ABCC8: variants seen among roughly 807,000 people sequenced by gnomAD.
The protein encoded by ABCC8 is ATP binding cassette subfamily C member 8.
Under a neutral mutation model 188.0 loss-of-function variants are expected in ABCC8, and 137 were observed. The ratio of observed to expected loss-of-function variants is 0.73; its 90% CI spans 0.63 to 0.84. The LOEUF is 0.84. Ranked by LOEUF, ABCC8 falls within the 40% of genes least tolerant of loss-of-function variation. The probability of loss-of-function intolerance (pLI) is 0.00; values close to 1 mark genes in which losing one functional copy is unlikely to be tolerated. For synonymous variants in ABCC8, 797 were observed against 846.5 expected (o/e 0.94, Z 1.01); for missense variants, 1,750 against 2,072.7 (o/e 0.84, Z 3.02).
At chr11:17,426,724 C>T (rs1955597893) in intron 16 of ABCC8, among the ~76,000 whole-genome samples, 1 of 152,146 alleles carries the variant, frequency 6.6e-6, no homozygotes, top group Non-Finnish European at 1.5e-5. Flanking sequence ...AGTTTCAATT[C>T]CAGCTCTGCC....
chr11:17,471,784 C>T (rs1486245268), intron 2 of ABCC8, among the ~76,000 whole-genome samples: 2 of 152,216 alleles, frequency 1.3e-5, no homozygotes, highest in Non-Finnish European at 2.9e-5. Flanking sequence ...TGGGAAGAGG[C>T]TGGGTCCCTG....
At chr11:17,438,975 G>A (rs1414698583) in intron 10 of ABCC8, among the ~76,000 whole-genome samples, 6 of 152,292 alleles carry the variant, frequency 3.9e-5, no homozygotes, top group Middle Eastern at 3.4e-3. Context: ...CTGGCCACAC[G>A]GTTCTGCTCT....
chr11:17,459,295 T>C (rs1359034843), intron 6 of ABCC8, among the ~76,000 whole-genome samples: 1 of 152,236 alleles, frequency 6.6e-6, no homozygotes, highest in East Asian at 1.9e-4. Context: ...GTATGTATTA[T>C]GTGGTCAGTA....
chr11:17,405,902 C>T (rs964579380), intron 26 of ABCC8, among the ~76,000 whole-genome samples: 1 of 152,214 alleles, frequency 6.6e-6, no homozygotes, highest in Non-Finnish European at 1.5e-5. Context: ...CTGGGGACAG[C>T]CTGCCGGCTG....
At chr11:17,442,575 G>C (rs955571201) in intron 10 of ABCC8, 145 bp downstream of exon 10, 34 of 805,066 alleles carry the variant, frequency 4.2e-5, no homozygotes, top group Non-Finnish European at 6.7e-5. Flanking sequence ...TTAGCTATCA[G>C]AGCCAGTTTG....
rs1953793278 is a variant in ABCC8, at chr11:17,394,355, T to C, written c.4456A>G (p.Arg1486Gly). Residue 1486 changes from arginine (R) to glycine (G), a missense_variant, in exon 37 of 39, where the codon AGG becomes GGG. By Grantham distance (125) the Arg-to-Gly change is moderately radical (BLOSUM62 -2). Coordinates refer to ENST00000389817, the MANE Select transcript of ABCC8 (RefSeq NM_000352.6). ...EGGENFSQGQ[R>G]QLFCLARAFV... ...GCCCGGGCCAGGCAGAACAGCTGCC[T>C]CTGTCCCTGGCTGAAATTCTCCCCG... The C allele has an allele frequency of 6.2e-7, 1 of 1,614,170 alleles. No homozygotes were observed.
intron 7 of ABCC8, 55 bp downstream of exon 7, chr11:17,453,064 C>A (rs918560870): frequency 1.4e-6 from 2 of 1,445,920 alleles, no homozygotes; most frequent in Non-Finnish European, 1.9e-6. Context: ...CACTCATGGA[C>A]ATTATTCCTA....
At chr11:17,461,173 G>C in intron 5 of ABCC8, 1 of 340,358 alleles carries the variant, frequency 2.9e-6, no homozygotes, top group Non-Finnish European at 5.6e-6. Flanking sequence ...TTCCTGTCTG[G>C]CTCAACTCAT....
chr11:17,450,041 C>A (rs1433780777), intron 7 of ABCC8, among the ~76,000 whole-genome samples: 3 of 152,162 alleles, frequency 2.0e-5, no homozygotes, highest in Non-Finnish European at 2.9e-5. Context: ...AAGTGAAGAC[C>A]AGCATACACA....
Position 17,409,459 on chromosome 11 carries a change from G to C in ABCC8, c.2695-942C>G, listed in dbSNP as rs563985125. ...TCCTGAACTACAAGGTATTGCCAAG[G>C]TCACTACAGAAACTCAGAAACAAAC... On this transcript the variant is annotated intron_variant, in intron 22 of 38. Transcript: ENST00000389817. Among the ~76,000 whole-genome samples the C allele has an allele frequency of 4.6e-5, 7 of 152,278 alleles. No homozygotes were observed. The South Asian group carries it at 1.5e-3, about 32-fold the overall frequency.
chr11:17,460,232 C>G (rs113298889), intron 6 of ABCC8, among the ~76,000 whole-genome samples: 18 of 152,362 alleles, frequency 1.2e-4, no homozygotes, highest in Non-Finnish European at 1.8e-4. Context: ...TTCGGACTGA[C>G]CTAACTACCG....
rs765529676 is a variant in ABCC8, at chr11:17,443,308, A to G, written c.1337T>C (p.Ile446Thr). The G allele has an allele frequency of 1.5e-5, 24 of 1,614,002 alleles. No individual in the cohort carries two copies. Among genetic ancestry groups the G allele is most frequent in the South Asian group, 6.6e-5 (6 of 91,072 alleles). The change falls in exon 9 of 39, where the codon ATT (isoleucine) becomes ACT (threonine). Residue 446 changes from isoleucine (I) to threonine (T), a missense_variant. Ile to Thr is a moderately conservative substitution (Grantham distance 89). Coordinates refer to ENST00000389817, the MANE Select transcript of ABCC8 (RefSeq NM_000352.6). ...PNLWAMPVQIIVGVILLYYIL... is the reference protein window; with the variant it reads ...PNLWAMPVQITVGVILLYYIL... ...GTAGTAGAGGAGAATCACACCCACAATGATCTGAGGAAGGGGTCATGGGTC... is the reference window on the plus strand; with the variant it reads ...GTAGTAGAGGAGAATCACACCCACAGTGATCTGAGGAAGGGGTCATGGGTC...
Position 17,450,509 on chromosome 11 carries a change from C to A in ABCC8, c.1177-1838G>T, listed in dbSNP as rs1457626099. Among the ~76,000 whole-genome samples the A allele has an allele frequency of 2.0e-5, 3 of 150,078 alleles. No homozygotes were observed. In the East Asian group the frequency reaches 5.9e-4, roughly 29 times the overall value. On this transcript the variant is annotated intron_variant, in intron 7 of 38. Coordinates refer to ENST00000389817, the MANE Select transcript of ABCC8 (RefSeq NM_000352.6). Reference sequence around the variant, plus strand: ...TCCTGGGTTCACGCCATTCTCCTGCCTCAGCCTCCCGAGTAGCTGGGACTA... The same window carrying A: ...TCCTGGGTTCACGCCATTCTCCTGCATCAGCCTCCCGAGTAGCTGGGACTA...
chr11:17,407,531 C>T (rs1418302734), intron 23 of ABCC8, 78 bp from the exon 24 acceptor site: 1 of 1,599,618 alleles, frequency 6.3e-7, no homozygotes, highest in Non-Finnish European at 8.5e-7. Context: ...GGGGTAACTA[C>T]TCTGGTGATG....
intron 36 of ABCC8, 132 bp from the exon 37 acceptor site, chr11:17,394,531 A>G: frequency 1.3e-6 from 2 of 1,497,054 alleles, no homozygotes; most frequent in Non-Finnish European, 1.8e-6. Flanking sequence ...GTCCAAGAGC[A>G]CAGGCGTGTG....
In ABCC8 at chr11:17,395,591, G is replaced by A. The variant is rs1025403081; in HGVS notation, c.4307+19C>T. ...AGCCGGCCTGGGGCTGGGTGGGCCT[G>A]AGGGGTGGTGGGGCTCACCGGATGG... On this transcript the variant is annotated intron_variant, in intron 35 of 38. Transcript: ENST00000389817. 10 of 1,546,640 alleles carry A rather than the reference G, an allele frequency of 6.5e-6. No individual in the cohort carries two copies. The Admixed American group carries it at 1.6e-4, about 24-fold the overall frequency.
chr11:17,413,560 T>C (rs2133474460), intron 19 of ABCC8, 82 bp from the exon 20 acceptor site: 1 of 1,611,660 alleles, frequency 6.2e-7, no homozygotes, highest in South Asian at 1.1e-5. Context: ...CATTAGTCTC[T>C]GGGTAGCTAT....
At chr11:17,413,286 C>T (rs1464448803) in intron 20 of ABCC8, 108 bp downstream of exon 20, 9 of 1,516,084 alleles carry the variant, frequency 5.9e-6, no homozygotes, top group Non-Finnish European at 8.2e-6. Context: ...ACTCTTCAGC[C>T]TTCAATGTCT....
chr11:17,444,326 C>T (rs1279308490), intron 8 of ABCC8: 2 of 152,272 alleles, frequency 1.3e-5, no homozygotes, highest in African/African-American at 4.8e-5. Flanking sequence ...CTGGACTTAT[C>T]TCTGGCATCC....
Sources: allele counts gnomAD v4.1 joint callset (sites outside exome capture counted in the v4.1 genomes callset), GRCh38; gene constraint gnomAD v4.1.1; transcripts MANE v1.5; gene names NCBI Gene and HGNC (gene_info 2026-07-23, HGNC 2026-07-21).